ST7L: variants seen among roughly 807,000 people sequenced by gnomAD.
ST7L encodes suppression of tumorigenicity 7 like, also known as suppressor of tumorigenicity 7 protein-like.
ST7L carries 57 observed loss-of-function variants against 72.5 expected under a neutral mutation model. The ratio of observed to expected loss-of-function variants is 0.79; its 90% confidence interval spans 0.64 to 0.98. The LOEUF (loss-of-function observed/expected upper bound fraction) is 0.98, where lower values mean the gene tolerates loss of function less well. Among genes scored for constraint, ST7L ranks in the 50% least tolerant of loss-of-function variants. The probability of loss-of-function intolerance (pLI) is 0.00; values close to 1 mark genes in which losing one functional copy is unlikely to be tolerated. For missense variants in ST7L, 576 were observed against 672.2 expected, an observed-to-expected ratio of 0.86 and a Z score of 1.58; for synonymous variants, 221 against 240.9, an observed-to-expected ratio of 0.92 and a Z score of 0.77.
chr1:112,577,264 C>T (rs901879962), intron 10 of ST7L, among the ~76,000 whole-genome samples, 176 bp from the exon 11 acceptor site: 1 of 150,278 alleles, frequency 6.7e-6, no homozygotes, highest in African/African-American at 2.4e-5. Context: ...CGCAGTGGCT[C>T]ATGCTTGTAA....
Position 112,526,006 on chromosome 1 carries a change from G to A in ST7L, c.*7C>T. The A allele has an allele frequency of 6.2e-7, 1 of 1,614,106 alleles. No homozygotes were observed. Among genetic ancestry groups the A allele is most frequent in the Non-Finnish European group, 8.5e-7 (1 of 1,179,974 alleles). ...ATTTGTCCAAGGTCACATGAACAGT[G>A]CGTGGCTCAGCCAGAACTCAAACCT... On this transcript the variant is annotated 3_prime_UTR_variant, in exon 15 of 15. Transcript: ENST00000358039.
chr1:112,533,104 G>A (rs115864151), intron 14 of ST7L, among the ~76,000 whole-genome samples: 3,049 of 152,218 alleles, frequency 0.02, 104 homozygotes, highest in African/African-American at 0.069. Context: ...AAAGTAACTT[G>A]AGAGTCAAAT....
rs891702706 is a variant in ST7L, at chr1:112,587,009, T to C, written c.702-2883A>G. ...AATGTCCTCTGATGCATAAAATATT[T>C]TAACTTTGATAAAGTCCATTTACCT... is the stretch of plus-strand genomic sequence containing the variant. On this transcript the variant is annotated intron_variant, in intron 6 of 14. Coordinates refer to ENST00000358039, the MANE Select transcript of ST7L (RefSeq NM_017744.5). Among the ~76,000 whole-genome samples the C allele has an allele frequency of 5.3e-5, 8 of 152,324 alleles. No homozygotes were observed. In the Middle Eastern group the frequency reaches 0.014, roughly 259 times the overall value.
At chr1:112,616,974 T>A in intron 1 of ST7L, 79 bp from the exon 2 acceptor site, 5 of 958,676 alleles carry the variant, frequency 5.2e-6, no homozygotes, top group Non-Finnish European at 8.1e-6. Flanking sequence ...AGTATCTTTA[T>A]GAGTGGTGGG....
chr1:112,550,546 C>A, intron 13 of ST7L, 55 bp downstream of exon 13: 7 of 1,362,886 alleles, frequency 5.1e-6, no homozygotes, highest in Non-Finnish European at 7.3e-6. Flanking sequence ...AATACTATGA[C>A]AAACAATCTA....
intron 11 of ST7L, among the ~76,000 whole-genome samples, chr1:112,571,000 T>C (rs1422387529): frequency 1.3e-5 from 2 of 152,022 alleles, no homozygotes; most frequent in African/African-American, 4.8e-5. Context: ...TGAAACCCCA[T>C]CTCTACTAAA....
At chr1:112,582,277 TA>T (rs1664242906) in intron 8 of ST7L, 97 bp downstream of exon 8, 10 of 991,112 alleles carry the variant, frequency 1.0e-5, no homozygotes, top group Non-Finnish European at 1.5e-5. Flanking sequence ...AACTACCAAT[TA>T]AAATACAATG....
intron 11 of ST7L, among the ~76,000 whole-genome samples, chr1:112,568,153 CTAATGAATACATCTAG>C (rs1315533840): frequency 2.0e-5 from 3 of 151,984 alleles, no homozygotes; most frequent in Non-Finnish European, 4.4e-5. Context: ...AATGATGTAC[CTAATGAATACATCTAG>C]CAGGCTCTTT....
intron 11 of ST7L, among the ~76,000 whole-genome samples, chr1:112,575,996 C>T (rs1160716948): frequency 1.3e-5 from 2 of 152,214 alleles, no homozygotes; most frequent in African/African-American, 4.8e-5. Context: ...TATTAACACC[C>T]TTTCACTGGA....
chr1:112,549,387 T>C (rs1657719135), intron 13 of ST7L, among the ~76,000 whole-genome samples: 1 of 152,104 alleles, frequency 6.6e-6, no homozygotes, highest in Non-Finnish European at 1.5e-5. Flanking sequence ...TGAGAATTGG[T>C]CTCAAATAAA....
At chr1:112,595,968 C>A (rs1666418619) in intron 5 of ST7L, among the ~76,000 whole-genome samples, 1 of 152,100 alleles carries the variant, frequency 6.6e-6, no homozygotes, top group African/African-American at 2.4e-5. Context: ...CAGTAGATAG[C>A]CATGATTGCT....
chr1:112,616,599 C>T (rs951758144), intron 2 of ST7L, among the ~76,000 whole-genome samples: 3 of 151,834 alleles, frequency 2.0e-5, no homozygotes, highest in African/African-American at 4.8e-5. Flanking sequence ...AAAAATTATC[C>T]GGGCATGGTG....
At chr1:112,597,216 G>T (rs1558037251) in intron 5 of ST7L, among the ~76,000 whole-genome samples, 1 of 152,170 alleles carries the variant, frequency 6.6e-6, no homozygotes, top group Non-Finnish European at 1.5e-5. Context: ...CCCAGAGAGG[G>T]CTTTCTAGAA....
intron 6 of ST7L, 44 bp downstream of exon 6, chr1:112,591,481 G>C (rs781740691): frequency 3.2e-6 from 5 of 1,545,306 alleles, no homozygotes; most frequent in Non-Finnish European, 4.4e-6. Context: ...ATTTGCCTTG[G>C]TTTCCTTCAA....
intron 11 of ST7L, among the ~76,000 whole-genome samples, chr1:112,556,964 C>G: frequency 3.3e-5 from 1 of 30,618 alleles, no homozygotes; most frequent in Non-Finnish European, 5.4e-5. Flanking sequence ...GAGACTCTGT[C>G]TCAAAAAAAA....
At chr1:112,594,459 T>C (rs1431972504) in intron 5 of ST7L, among the ~76,000 whole-genome samples, 1 of 152,206 alleles carries the variant, frequency 6.6e-6, no homozygotes, top group Admixed American at 6.5e-5. Context: ...AAGGGAATGA[T>C]AACAATTTTT....
chr1:112,619,064 G>A lies in ST7L; in HGVS notation c.50C>T (p.Pro17Leu). The part of the protein sequence containing the change: ...VGEAAAVGAS[P>L]ASVPGLNPTL... Reference sequence around the variant, plus strand: ...CGGGTTTAGGCCAGGGACAGATGCAGGAGACGCTCCAACAGCTGCGGCTTC... The same window carrying A: ...CGGGTTTAGGCCAGGGACAGATGCAAGAGACGCTCCAACAGCTGCGGCTTC... The change falls in exon 1 of 15, where the codon CCT becomes CTT. Residue 17 changes from proline to leucine, a missense_variant. Coordinates refer to ENST00000358039, the MANE Select transcript of ST7L (RefSeq NM_017744.5). 1 of 1,613,898 alleles carries A rather than the reference G, an allele frequency of 6.2e-7. No homozygotes were observed. Among genetic ancestry groups the A allele is most frequent in the Non-Finnish European group, 8.5e-7 (1 of 1,179,994 alleles).
rs567601091 is a variant in ST7L at position 112,551,138 on chromosome 1, C to CTTTTTTTTT, written c.1397-454_1397-446dup. On this transcript the variant is annotated intron_variant, in intron 12 of 14. Transcript: ENST00000358039. ...TCACCAAAGCTTTCTATGAGCAGAT[C>CTTTTTTTTT]TTTTTTTTTTTTTTTTTTTTTTTTT... 4.3e-4 allele frequency among the ~76,000 whole-genome samples: 33 copies of CTTTTTTTTT among 77,226 alleles called. 4 individuals carry two copies. Among genetic ancestry groups the CTTTTTTTTT allele is most frequent in the African/African-American group, 2.1e-3 (33 of 15,786 alleles). 50.7% of individuals were successfully genotyped at this position (77,226 alleles called of 152,430 possible).
chr1:112,533,331 T>A (rs529042443), intron 14 of ST7L, among the ~76,000 whole-genome samples: 24 of 152,148 alleles, frequency 1.6e-4, no homozygotes, highest in South Asian at 4.2e-4. Context: ...ATTTTATTTT[T>A]TTTTTTGAGA....
Sources: gnomAD v4.1 joint callset for allele counts (sites outside exome capture counted in the v4.1 genomes callset) on GRCh38, gnomAD v4.1.1 for gene constraint, MANE v1.5 for transcripts, NCBI Gene and HGNC (gene_info 2026-07-23, HGNC 2026-07-21) for gene names.